SLC24A2: variants seen among roughly 807,000 people sequenced by gnomAD.
The protein encoded by SLC24A2 is sodium/potassium/calcium exchanger 2.
A neutral mutation model predicts 62.0 loss-of-function variants in SLC24A2; 36 were observed. The ratio of observed to expected loss-of-function variants is 0.58; its 90% CI spans 0.44 to 0.77. The LOEUF is 0.77. Ranked by LOEUF, SLC24A2 falls within the 30% of genes least tolerant of loss-of-function variation. The pLI is 0.00. For synonymous variants in SLC24A2, 358 were observed against 294.0 expected (o/e 1.22, Z -2.23); for missense variants, 846 against 817.9 (o/e 1.03, Z -0.42).
At chr9:19,807,606 A>G in the SLC24A2 span, among the ~76,000 whole-genome samples, 1 of 152,252 alleles carries the variant, frequency 6.6e-6, no homozygotes, top group Non-Finnish European at 1.5e-5. Context: ...TTTGAATAAA[A>G]ATGGATATGA....
At chr9:19,892,815 T>C in the SLC24A2 span, among the ~76,000 whole-genome samples, 1 of 152,138 alleles carries the variant, frequency 6.6e-6, no homozygotes, top group Non-Finnish European at 1.5e-5. Flanking sequence ...AGATGGTAAG[T>C]GGCACATCAG....
In SLC24A2 at chr9:19,636,387, C is replaced by CTTTCTT. The variant is rs1564010053; in HGVS notation, c.931-14089_931-14088insAAGAAA. The stretch of plus-strand genomic sequence containing the variant: ...TCTTTCTTTCTTTCTTTCTTTCTTT[C>CTTTCTT]TCCCTCTCTCTCTCTCTCTCTTTCT... On this transcript the variant is annotated intron_variant, in intron 2 of 10. Coordinates refer to ENST00000341998, the MANE Select transcript of SLC24A2 (RefSeq NM_020344.4). Among the ~76,000 whole-genome samples the CTTTCTT allele has an allele frequency of 1.6e-3, 35 of 22,332 alleles. 2 individuals carry two copies. The highest frequency in any genetic ancestry group is 5.0e-3 in the African/African-American group (33 of 6,606). The allele number at this position is 22,332 out of a possible 152,430, so 14.7% of individuals were successfully genotyped here.
chr9:19,736,621 T>C lies in SLC24A2; in HGVS notation c.930+49316A>G, dbSNP rs532582568. Among the ~76,000 whole-genome samples, 15 of 152,170 alleles carry C rather than the reference T, an allele frequency of 9.9e-5. No homozygotes were observed. The South Asian group carries it at 2.9e-3, about 29-fold the overall frequency. ...TGAGAGGCTGAAGTGGGGAGATCAC[T>C]TGAGGCCAGGAGTTCAAGACTAGCC... On this transcript the variant is annotated intron_variant, in intron 2 of 10. Coordinates refer to ENST00000341998, the MANE Select transcript of SLC24A2 (RefSeq NM_020344.4).
rs564802174 is a variant in SLC24A2, at chr9:19,542,909, T to G, written c.1479+7228A>C. Among the ~76,000 whole-genome samples, 4 of 152,320 alleles carry G rather than the reference T, an allele frequency of 2.6e-5. No homozygotes were observed. The East Asian group carries it at 5.8e-4, about 22-fold the overall frequency. On this transcript the variant is annotated intron_variant, in intron 8 of 10. Coordinates refer to ENST00000341998, the MANE Select transcript of SLC24A2 (RefSeq NM_020344.4). ...GGCCTGAAATTTTCTTTTTTTGTTG[T>G]GTCTCTGGCAGGTTTTGGTATCAGG...
At chr9:19,823,426 G>T in the SLC24A2 span, among the ~76,000 whole-genome samples, 21 of 152,020 alleles carry the variant, frequency 1.4e-4, no homozygotes, top group African/African-American at 5.1e-4. Context: ...TAAAAGTAAA[G>T]AATTTTCTTA....
At chr9:19,719,798 G>C (rs1820970975) in intron 2 of SLC24A2, among the ~76,000 whole-genome samples, 1 of 152,098 alleles carries the variant, frequency 6.6e-6, no homozygotes, top group Non-Finnish European at 1.5e-5. Flanking sequence ...TTATCCTTTT[G>C]AATCATGCTC....
At chr9:20,197,961 C>G in the SLC24A2 span, among the ~76,000 whole-genome samples, 2 of 152,172 alleles carry the variant, frequency 1.3e-5, no homozygotes, top group Non-Finnish European at 1.5e-5. Context: ...TGCACAAAGA[C>G]GAGAGGGCTA....
the SLC24A2 span, among the ~76,000 whole-genome samples, chr9:20,124,356 G>C: frequency 1.3e-5 from 2 of 150,974 alleles, no homozygotes; most frequent in African/African-American, 2.4e-5. Flanking sequence ...AGAGAAAATA[G>C]GCAAACATGT....
At chr9:19,605,931 T>C (rs1461399904) in intron 4 of SLC24A2, among the ~76,000 whole-genome samples, 2 of 152,230 alleles carry the variant, frequency 1.3e-5, no homozygotes, top group Admixed American at 6.5e-5. Flanking sequence ...TGGCTCCTCA[T>C]TGTGTCTGCT....
Position 19,758,019 on chromosome 9 carries a change from C to A in SLC24A2, c.930+27918G>T, listed in dbSNP as rs185966483. On this transcript the variant is annotated intron_variant, in intron 2 of 10. Transcript: ENST00000341998. ...CCCTCCCCAGAAGCCAGGGCCATGA[C>A]CTTGAAATTCCCAGCCTGTAGAACC... 4.1e-4 allele frequency among the ~76,000 whole-genome samples: 62 copies of A among 152,142 alleles called. No homozygotes were observed. The East Asian group carries it at 9.7e-3, about 24-fold the overall frequency.
the SLC24A2 span, among the ~76,000 whole-genome samples, chr9:20,094,290 G>A: frequency 6.6e-6 from 1 of 152,036 alleles, no homozygotes. Flanking sequence ...ACATTTTTCT[G>A]GAAAACCCTT....
the SLC24A2 span, among the ~76,000 whole-genome samples, chr9:20,247,487 C>T: frequency 4.5e-4 from 68 of 152,050 alleles, 1 homozygote; most frequent in Admixed American, 4.5e-3. Flanking sequence ...GAGACTAGTG[C>T]CCTTATAATA....
chr9:20,141,202 C>T, the SLC24A2 span, among the ~76,000 whole-genome samples: 1 of 152,116 alleles, frequency 6.6e-6, no homozygotes, highest in African/African-American at 2.4e-5. Context: ...AGAATGAATA[C>T]AGCACTTGAT....
the SLC24A2 span, among the ~76,000 whole-genome samples, chr9:20,053,846 T>C: frequency 6.6e-6 from 1 of 152,236 alleles, no homozygotes; most frequent in Non-Finnish European, 1.5e-5. Context: ...TATTTTGTAA[T>C]GGCTGCCCAA....
At chr9:20,014,241 G>C in the SLC24A2 span, among the ~76,000 whole-genome samples, 2 of 152,066 alleles carry the variant, frequency 1.3e-5, no homozygotes, top group African/African-American at 4.8e-5. Flanking sequence ...ACAAGTGTTG[G>C]AGTAGATGCA....
the SLC24A2 span, among the ~76,000 whole-genome samples, chr9:20,251,426 C>G: frequency 3.9e-5 from 6 of 152,072 alleles, no homozygotes; most frequent in African/African-American, 7.2e-5. Context: ...AAAAAATGAC[C>G]AAAATAATAG....
At chr9:19,797,306 A>C in the SLC24A2 span, among the ~76,000 whole-genome samples, 1 of 152,118 alleles carries the variant, frequency 6.6e-6, no homozygotes. Flanking sequence ...GAGACTATTT[A>C]CTGTAGCTTA....
chr9:19,648,274 TA>T (rs1233354180), intron 2 of SLC24A2, among the ~76,000 whole-genome samples: 14 of 152,030 alleles, frequency 9.2e-5, no homozygotes, highest in African/African-American at 3.4e-4. Flanking sequence ...CTGATTCTAA[TA>T]AAAAAGGGAA....
At chr9:19,740,473 C>A (rs1186374607) in intron 2 of SLC24A2, among the ~76,000 whole-genome samples, 1 of 152,110 alleles carries the variant, frequency 6.6e-6, no homozygotes, top group Non-Finnish European at 1.5e-5. Context: ...AGTCAAACCC[C>A]AAAATGCACA....
Sources: gnomAD v4.1 joint callset for allele counts (sites outside exome capture counted in the v4.1 genomes callset) on GRCh38, gnomAD v4.1.1 for gene constraint, MANE v1.5 for transcripts, NCBI Gene and HGNC (gene_info 2026-07-23, HGNC 2026-07-21) for gene names.